Variants in ARHGAP15 observed in about 807,000 individuals in gnomAD.
ARHGAP15 encodes Rho GTPase activating protein 15.
Under a neutral mutation model 63.7 loss-of-function variants are expected in ARHGAP15, and 51 were observed. The ratio of observed to expected loss-of-function variants is 0.80; its 90% CI spans 0.64 to 1.01. The LOEUF (loss-of-function observed/expected upper bound fraction) is 1.01, where lower values mean the gene tolerates loss of function less well. Among genes scored for constraint, ARHGAP15 ranks in the 50% least tolerant of loss-of-function variants. ARHGAP15 has a pLI of 0.00. For synonymous variants in ARHGAP15, 191 were observed against 193.8 expected, an observed-to-expected ratio of 0.99 and a Z score of 0.12; for missense variants, 560 against 564.6, an observed-to-expected ratio of 0.99 and a Z score of 0.08.
chr2:143,554,084 T>A (rs1008509380), intron 10 of ARHGAP15, among the ~76,000 whole-genome samples: 4 of 152,182 alleles, frequency 2.6e-5, no homozygotes, highest in African/African-American at 9.7e-5. Context: ...TGTTCTCATT[T>A]TTATTGTAAT....
At chr2:143,644,804 T>C (rs1433184687) in intron 12 of ARHGAP15, among the ~76,000 whole-genome samples, 3 of 152,062 alleles carry the variant, frequency 2.0e-5, no homozygotes, top group Non-Finnish European at 4.4e-5. Context: ...GTTAAGCCAT[T>C]TTAGTTCTAG....
intron 2 of ARHGAP15, among the ~76,000 whole-genome samples, chr2:143,191,378 GTATCT>G (rs1230252202): frequency 6.6e-6 from 1 of 152,132 alleles, no homozygotes. Flanking sequence ...TTCTAACAAG[GTATCT>G]TAGGGTAAAG....
intron 6 of ARHGAP15, among the ~76,000 whole-genome samples, chr2:143,412,976 T>C (rs148651029): frequency 4.6e-5 from 7 of 152,308 alleles, no homozygotes; most frequent in African/African-American, 1.2e-4. Context: ...ATTTTTATTT[T>C]ATTGGTTATT....
chr2:143,700,649 C>T (rs1684044781), intron 12 of ARHGAP15, among the ~76,000 whole-genome samples: 1 of 152,026 alleles, frequency 6.6e-6, no homozygotes, highest in South Asian at 2.1e-4. Context: ...CCAAACTGTA[C>T]AGAATGTATC....
At chr2:143,411,655 G>A (rs1297806409) in intron 6 of ARHGAP15, among the ~76,000 whole-genome samples, 3 of 152,084 alleles carry the variant, frequency 2.0e-5, no homozygotes, top group African/African-American at 4.8e-5. Context: ...CAATAAATAA[G>A]TATTGACATA....
At chr2:143,584,467 A>G (rs1290496419) in intron 11 of ARHGAP15, among the ~76,000 whole-genome samples, 3 of 152,074 alleles carry the variant, frequency 2.0e-5, no homozygotes, top group African/African-American at 7.2e-5. Flanking sequence ...CTCTACTAAA[A>G]ATACAAAAAT....
rs549589093 is a variant in ARHGAP15 at position 143,568,386 on chromosome 2, T to G, written c.1003+11901T>G. Among the ~76,000 whole-genome samples the G allele has an allele frequency of 8.4e-4, 128 of 152,180 alleles. 1 individual carries two copies. Among genetic ancestry groups the G allele is most frequent in the Admixed American group, 2.0e-3 (30 of 15,288 alleles). On this transcript the variant is annotated intron_variant, in intron 11 of 13. Transcript: ENST00000295095. ...ACAGACACTTCTCAAAAGAAGACAT[T>G]CATGTAGCCAACAGACATATGAAAA...
chr2:143,154,218 G>T (rs1689990670), intron 1 of ARHGAP15, among the ~76,000 whole-genome samples: 1 of 151,716 alleles, frequency 6.6e-6, no homozygotes, highest in African/African-American at 2.4e-5. Context: ...CAACCATTGA[G>T]CACATTGCTT....
At chr2:143,511,012 T>C (rs781061153) in intron 9 of ARHGAP15, among the ~76,000 whole-genome samples, 1 of 152,256 alleles carries the variant, frequency 6.6e-6, no homozygotes, top group Non-Finnish European at 1.5e-5. Context: ...ATTTGGAATC[T>C]GACTGACAGA....
At chr2:143,664,008 C>G (rs1365785151) in intron 12 of ARHGAP15, among the ~76,000 whole-genome samples, 4 of 151,188 alleles carry the variant, frequency 2.6e-5, no homozygotes, top group Non-Finnish European at 5.9e-5. Flanking sequence ...ATCAACGAGA[C>G]AGAAAGTCAA....
At chr2:143,293,587 G>T (rs1487586584) in intron 6 of ARHGAP15, among the ~76,000 whole-genome samples, 2 of 151,934 alleles carry the variant, frequency 1.3e-5, no homozygotes, top group African/African-American at 4.8e-5. Flanking sequence ...AACTGACTTT[G>T]GTGTCTTAAA....
chr2:143,667,857 A>G (rs1174447299), intron 12 of ARHGAP15, among the ~76,000 whole-genome samples: 3 of 151,928 alleles, frequency 2.0e-5, no homozygotes, highest in Non-Finnish European at 4.4e-5. Flanking sequence ...GCTTGGTGGC[A>G]TGTGCCTGTT....
chr2:143,175,273 G>A (rs998528386), intron 2 of ARHGAP15, among the ~76,000 whole-genome samples: 3 of 152,130 alleles, frequency 2.0e-5, no homozygotes, highest in African/African-American at 2.4e-5. Context: ...AGCAGTGCTC[G>A]ATGCTATTAA....
intron 10 of ARHGAP15, among the ~76,000 whole-genome samples, chr2:143,525,454 A>G (rs948190121): frequency 1.5e-5 from 2 of 135,942 alleles, no homozygotes; most frequent in African/African-American, 2.6e-5. Flanking sequence ...TCAGTGACCT[A>G]TGTTTTTGTT....
chr2:143,460,321 T>A (rs1433264442), intron 8 of ARHGAP15, among the ~76,000 whole-genome samples: 1 of 152,130 alleles, frequency 6.6e-6, no homozygotes, highest in Non-Finnish European at 1.5e-5. Flanking sequence ...TCACACGAAT[T>A]TTTTTCCCCA....
rs1034372995 is a variant in ARHGAP15, at chr2:143,167,842, T to G, written c.165+12187T>G. 4.5e-4 allele frequency among the ~76,000 whole-genome samples: 68 copies of G among 152,210 alleles called. 1 individual carries two copies. The highest frequency in any genetic ancestry group is 7.8e-4 in the Non-Finnish European group (53 of 68,002). On this transcript the variant is annotated intron_variant, in intron 2 of 13. Transcript: ENST00000295095. The stretch of plus-strand genomic sequence containing the variant: ...TTGGTTGGAATGGTGTTTTTAATAG[T>G]TTGAATTTGAAAGCCTTTCATTAGA...
At chr2:143,324,868 G>A (rs2105235784) in intron 6 of ARHGAP15, among the ~76,000 whole-genome samples, 1 of 152,214 alleles carries the variant, frequency 6.6e-6, no homozygotes, top group Non-Finnish European at 1.5e-5. Context: ...GTAAACCTAA[G>A]TGACTAGGCT....
rs145593189 is a variant in ARHGAP15, at chr2:143,220,896, C to T, written c.296+4451C>T. On this transcript the variant is annotated intron_variant, in intron 4 of 13. Transcript: ENST00000295095. ...TATCAGTAATACTTAAATGATACTA[C>T]AATATAGACTCTATTATTGCTTCCT... Among the ~76,000 whole-genome samples, 1,444 of 152,188 alleles carry T rather than the reference C, an allele frequency of 9.5e-3. 32 individuals are homozygous for T. The highest frequency in any genetic ancestry group is 0.033 in the African/African-American group (1,370 of 41,512).
chr2:143,297,515 C>T (rs557567307), intron 6 of ARHGAP15, among the ~76,000 whole-genome samples: 7 of 152,046 alleles, frequency 4.6e-5, no homozygotes, highest in Admixed American at 3.9e-4. Context: ...CCTTTACCCC[C>T]TTTGTGTGGA....
Sources: allele counts gnomAD v4.1 joint callset (sites outside exome capture counted in the v4.1 genomes callset), GRCh38; gene constraint gnomAD v4.1.1; transcripts MANE v1.5; gene names NCBI Gene and HGNC (gene_info 2026-07-23, HGNC 2026-07-21).